ZNF804A: variants seen among roughly 807,000 people sequenced by gnomAD.
ZNF804A encodes zinc finger protein 804A.
A neutral mutation model predicts 16.5 loss-of-function variants in ZNF804A; 2 were observed. The observed-to-expected ratio is 0.12, with a 90% CI of 0.05 to 0.38. The LOEUF (loss-of-function observed/expected upper bound fraction) is 0.38. Ranked by LOEUF, ZNF804A falls within the 10% of genes least tolerant of loss-of-function variation. ZNF804A has a pLI of 0.99. For synonymous variants in ZNF804A, 534 were observed against 489.6 expected, an observed-to-expected ratio of 1.09 and a Z score of -1.20; for missense variants, 1,473 against 1,390.7, an observed-to-expected ratio of 1.06 and a Z score of -0.94.
chr2:184,815,526 A>G (rs925755342), intron 1 of ZNF804A, among the ~76,000 whole-genome samples: 2 of 151,824 alleles, frequency 1.3e-5, no homozygotes, highest in Non-Finnish European at 2.9e-5. Flanking sequence ...ATATATAGCT[A>G]CTTGATTTTA....
At chr2:184,760,900 A>G (rs1694028915) in intron 1 of ZNF804A, among the ~76,000 whole-genome samples, 1 of 152,098 alleles carries the variant, frequency 6.6e-6, no homozygotes, top group Admixed American at 6.6e-5. Context: ...CCAAACCTCA[A>G]TATTCTAATC....
intron 1 of ZNF804A, among the ~76,000 whole-genome samples, chr2:184,862,778 G>T (rs1221541957): frequency 6.6e-6 from 1 of 152,066 alleles, no homozygotes; most frequent in Non-Finnish European, 1.5e-5. Flanking sequence ...AAGCATAGAA[G>T]ATGGTAATAT....
At chr2:184,807,724 A>T (rs902087461) in intron 1 of ZNF804A, among the ~76,000 whole-genome samples, 26 of 151,914 alleles carry the variant, frequency 1.7e-4, no homozygotes, top group African/African-American at 6.3e-4. Flanking sequence ...TGGACTGATG[A>T]GTAAGACTGT....
chr2:184,662,251 G>A lies in ZNF804A; in HGVS notation c.111+63181G>A, dbSNP rs79790803. On this transcript the variant is annotated intron_variant, in intron 1 of 3. Coordinates refer to ENST00000302277, the MANE Select transcript of ZNF804A (RefSeq NM_194250.2). ...CAATATGGAGTTTTTGACTACGTTCGTTTTGTATTTTCCACAGAGACTGAG... is the reference window on the plus strand; with the variant it reads ...CAATATGGAGTTTTTGACTACGTTCATTTTGTATTTTCCACAGAGACTGAG... Among the ~76,000 whole-genome samples the A allele has an allele frequency of 9.8e-3, 1,495 of 152,206 alleles. 32 individuals are homozygous for A. Among genetic ancestry groups the A allele is most frequent in the East Asian group, 0.056 (288 of 5,172 alleles).
At chr2:184,643,327 G>T (rs1254813042) in intron 1 of ZNF804A, among the ~76,000 whole-genome samples, 1 of 151,880 alleles carries the variant, frequency 6.6e-6, no homozygotes, top group African/African-American at 2.4e-5. Flanking sequence ...AAACATTTTT[G>T]AACCTTGGAT....
intron 1 of ZNF804A, among the ~76,000 whole-genome samples, chr2:184,785,633 A>T (rs2105776061): frequency 6.6e-6 from 1 of 152,208 alleles, no homozygotes; most frequent in Non-Finnish European, 1.5e-5. Context: ...GGCTAAGATT[A>T]GTAAGAACAA....
At chr2:184,604,304 G>A (rs76878347) in intron 1 of ZNF804A, among the ~76,000 whole-genome samples, 11,608 of 151,190 alleles carry the variant, frequency 0.077, 605 homozygotes, top group East Asian at 0.24. Flanking sequence ...CCGAGTAGCT[G>A]GGACTACAGG....
intron 1 of ZNF804A, among the ~76,000 whole-genome samples, chr2:184,704,772 C>T (rs1692995576): frequency 6.6e-6 from 1 of 151,996 alleles, no homozygotes; most frequent in Non-Finnish European, 1.5e-5. Flanking sequence ...TCTCAAAGCA[C>T]AAAAGTGAGG....
At chr2:184,627,402 A>T (rs1038346628) in intron 1 of ZNF804A, among the ~76,000 whole-genome samples, 23 of 152,234 alleles carry the variant, frequency 1.5e-4, no homozygotes, top group Admixed American at 3.9e-4. Context: ...GTGCCTGAAA[A>T]GTTCTATTGT....
At chr2:184,889,427 T>C (rs1034525688) in intron 2 of ZNF804A, among the ~76,000 whole-genome samples, 18 of 152,006 alleles carry the variant, frequency 1.2e-4, no homozygotes, top group Admixed American at 2.0e-4. Context: ...ATTTTTATTA[T>C]TGTCAAAATA....
At chr2:184,908,476 T>G (rs1685310839) in intron 2 of ZNF804A, among the ~76,000 whole-genome samples, 1 of 152,150 alleles carries the variant, frequency 6.6e-6, no homozygotes, top group Non-Finnish European at 1.5e-5. Context: ...ATCTGCAAAG[T>G]TACTTTGCCA....
chr2:184,865,949 G>A (rs1324895829), intron 1 of ZNF804A, among the ~76,000 whole-genome samples: 2 of 151,992 alleles, frequency 1.3e-5, no homozygotes, highest in African/African-American at 4.8e-5. Context: ...GTATATTTGT[G>A]CACAAATATA....
chr2:184,813,579 G>A (rs1259002197), intron 1 of ZNF804A, among the ~76,000 whole-genome samples: 2 of 152,072 alleles, frequency 1.3e-5, no homozygotes, highest in Non-Finnish European at 2.9e-5. Flanking sequence ...GGGCAAGGCA[G>A]AGATCCTTTC....
At chr2:184,637,685 A>G (rs1691723079) in intron 1 of ZNF804A, among the ~76,000 whole-genome samples, 2 of 20,760 alleles carry the variant, frequency 9.6e-5, no homozygotes, top group East Asian at 7.1e-4. Flanking sequence ...AATTTAGAAA[A>G]TAGCTTTTTA....
intron 1 of ZNF804A, among the ~76,000 whole-genome samples, chr2:184,722,533 T>C (rs1424087404): frequency 6.6e-6 from 1 of 152,016 alleles, no homozygotes; most frequent in East Asian, 1.9e-4. Context: ...ATATTTATAA[T>C]TATTGAAGAA....
chr2:184,882,462 C>A (rs1422600659), intron 2 of ZNF804A, among the ~76,000 whole-genome samples: 3 of 152,034 alleles, frequency 2.0e-5, no homozygotes, highest in African/African-American at 4.8e-5. Context: ...ATGGACCCAA[C>A]AGATATCTAT....
intron 2 of ZNF804A, among the ~76,000 whole-genome samples, chr2:184,886,086 A>G (rs1684885316): frequency 6.6e-6 from 1 of 152,118 alleles, no homozygotes; most frequent in South Asian, 2.1e-4. Flanking sequence ...GTAAAACCAA[A>G]AGCAAGCTAG....
chr2:184,648,205 G>T (rs1271711589), intron 1 of ZNF804A, among the ~76,000 whole-genome samples: 1 of 152,058 alleles, frequency 6.6e-6, no homozygotes, highest in Non-Finnish European at 1.5e-5. Context: ...TCCAACCAAG[G>T]AAGCACTAGA....
intron 1 of ZNF804A, among the ~76,000 whole-genome samples, chr2:184,826,455 T>C (rs1219831956): frequency 1.3e-5 from 2 of 152,176 alleles, no homozygotes; most frequent in Non-Finnish European, 2.9e-5. Flanking sequence ...TTAAATTTCA[T>C]GGAAATTAGT....
Sources: allele counts gnomAD v4.1 joint callset (sites outside exome capture counted in the v4.1 genomes callset), GRCh38; gene constraint gnomAD v4.1.1; transcripts MANE v1.5; gene names NCBI Gene and HGNC (gene_info 2026-07-23, HGNC 2026-07-21).